The following CCDC169 variants were observed in gnomAD, a reference collection of about 807,000 sequenced individuals.
CCDC169 encodes coiled-coil domain containing 169.
A neutral mutation model predicts 36.0 loss-of-function variants in CCDC169; 30 were observed. The ratio of observed to expected loss-of-function variants is 0.83; its 90% confidence interval spans 0.62 to 1.13. CCDC169 has a LOEUF of 1.13. Ranked by LOEUF, CCDC169 falls within the 50% of genes most tolerant of loss-of-function variation. The pLI is 0.00. For missense variants in CCDC169, 245 were observed against 245.9 expected, an observed-to-expected ratio of 1.00 and a Z score of 0.03; for synonymous variants, 85 against 81.5, an observed-to-expected ratio of 1.04 and a Z score of -0.23.
At chr13:36,281,518 T>C (rs1432079749) in intron 4 of CCDC169, among the ~76,000 whole-genome samples, 3 of 152,272 alleles carry the variant, frequency 2.0e-5, no homozygotes, top group Admixed American at 1.3e-4. Context: ...CTCACTTATG[T>C]GAATAATTTT....
At chr13:36,260,678 A>G (rs537057510) in intron 4 of CCDC169, among the ~76,000 whole-genome samples, 2 of 152,314 alleles carry the variant, frequency 1.3e-5, no homozygotes, top group African/African-American at 4.8e-5. Flanking sequence ...ACTCTGTAAT[A>G]TCCTCACAAT....
At chr13:36,239,067 T>C (rs529007446) in intron 7 of CCDC169, among the ~76,000 whole-genome samples, 1 of 151,922 alleles carries the variant, frequency 6.6e-6, no homozygotes, top group Admixed American at 6.6e-5. Flanking sequence ...CCTGTCCATA[T>C]TCTCTACAGA....
exon 7 of CCDC169, chr13:36,222,081 G>GT (rs1215827521): frequency 6.6e-6 from 1 of 152,258 alleles, no homozygotes; most frequent in Admixed American, 6.5e-5. Context: ...GGCTTTGAGA[G>GT]TAACAGGGGA....
At chr13:36,280,619 T>C (rs1877390224) in intron 4 of CCDC169, 1 of 152,244 alleles carries the variant, frequency 6.6e-6, no homozygotes, top group African/African-American at 2.4e-5. Context: ...GTAATCCTTT[T>C]TCACTTTGTT....
intron 7 of CCDC169, among the ~76,000 whole-genome samples, chr13:36,248,238 C>G (rs9315401): frequency 0.011 from 1,621 of 152,012 alleles, 21 homozygotes; most frequent in African/African-American, 0.037. Flanking sequence ...CTCACTTCAT[C>G]GTGATACTTG....
chr13:36,266,813 A>G (rs528961620), intron 4 of CCDC169, among the ~76,000 whole-genome samples: 17 of 152,322 alleles, frequency 1.1e-4, no homozygotes, highest in African/African-American at 3.8e-4. Context: ...GAACTGCCAC[A>G]TTGGGCCAGG....
At chr13:36,237,183 C>T (rs760236596) in intron 7 of CCDC169, among the ~76,000 whole-genome samples, 39 of 151,774 alleles carry the variant, frequency 2.6e-4, no homozygotes, top group South Asian at 1.2e-3. Context: ...CCAACAAGTA[C>T]AAGAAAAGAT....
chr13:36,275,208 A>C (rs113523360), intron 4 of CCDC169, among the ~76,000 whole-genome samples: 2,157 of 151,798 alleles, frequency 0.014, 31 homozygotes, highest in African/African-American at 0.048. Flanking sequence ...CAAACACACA[A>C]AAAAAAAGTA....
intron 1 of CCDC169, among the ~76,000 whole-genome samples, chr13:36,296,130 C>T (rs891346443): frequency 2.0e-5 from 3 of 152,164 alleles, no homozygotes; most frequent in Non-Finnish European, 2.9e-5. Context: ...CTCGCTCTGT[C>T]GCCCAGGCTG....
intron 2 of CCDC169, among the ~76,000 whole-genome samples, chr13:36,287,606 G>A (rs1405103956): frequency 2.0e-5 from 3 of 152,130 alleles, no homozygotes; most frequent in Non-Finnish European, 4.4e-5. Context: ...TTATCAAACT[G>A]GCTTATAAGT....
intron 4 of CCDC169, among the ~76,000 whole-genome samples, chr13:36,279,212 G>A (rs889588333): frequency 2.6e-5 from 4 of 151,886 alleles, no homozygotes; most frequent in Non-Finnish European, 2.9e-5. Flanking sequence ...GGTGGTTGGG[G>A]TGGGGGTGGG....
intron 2 of CCDC169, 65 bp downstream of exon 2, chr13:36,295,713 A>G (rs1879398791): frequency 1.3e-5 from 11 of 841,848 alleles, no homozygotes; most frequent in Non-Finnish European, 1.9e-5. Flanking sequence ...AATGCACCAT[A>G]GATATCCTGG....
intron 7 of CCDC169, among the ~76,000 whole-genome samples, chr13:36,243,888 C>T (rs999707390): frequency 6.6e-6 from 1 of 152,144 alleles, no homozygotes; most frequent in African/African-American, 2.4e-5. Context: ...ATCCAACTCC[C>T]AGTAATATTC....
At chr13:36,227,861 A>G (rs1174493066), downstream of CCDC169, among the ~76,000 whole-genome samples, 1 of 152,010 alleles carries the variant, frequency 6.6e-6, no homozygotes, top group Non-Finnish European at 1.5e-5. Flanking sequence ...CTATTGATCT[A>G]TTTTCTGTCT....
chr13:36,263,203 AG>A (rs1182224969), intron 4 of CCDC169, among the ~76,000 whole-genome samples: 1 of 122,590 alleles, frequency 8.2e-6, no homozygotes, highest in Non-Finnish European at 2.0e-5. Flanking sequence ...GAGGAAAAAA[AG>A]GGTTAGAGGT....
chr13:36,297,573 A>G, intron 1 of CCDC169, 64 bp downstream of exon 1: 3 of 1,478,468 alleles, frequency 2.0e-6, no homozygotes, highest in Non-Finnish European at 2.8e-6. Context: ...CAGCCCTGAG[A>G]CTCTGCAGGT....
intron 4 of CCDC169, among the ~76,000 whole-genome samples, chr13:36,260,523 C>G (rs1874479997): frequency 6.6e-6 from 1 of 152,074 alleles, no homozygotes; most frequent in African/African-American, 2.4e-5. Flanking sequence ...GAGAAATATA[C>G]AATTAAAATG....
Position 36,231,024 on chromosome 13 carries a change from T to G in CCDC169, c.*169A>C. On this transcript the variant is annotated 3_prime_UTR_variant, in exon 8 of 8. Transcript: ENST00000239859. ...ATAGTTTAGGGTCACTGGAGAAAAT[T>G]ACTTTTATGCAGACAAAGGAACACA... 2 of 1,398,788 alleles carry G rather than the reference T, an allele frequency of 1.4e-6. No homozygotes were observed. The highest frequency in any genetic ancestry group is 1.6e-5 in the South Asian group (1 of 60,918). 86.6% of individuals were successfully genotyped at this position (1,398,788 alleles called of 1,614,324 possible).
At chr13:36,275,248 A>G (rs1274699255) in intron 4 of CCDC169, among the ~76,000 whole-genome samples, 2 of 152,214 alleles carry the variant, frequency 1.3e-5, no homozygotes, top group African/African-American at 4.8e-5. Context: ...GAACGCTTAC[A>G]AAAGAAAAAA....
Sources: gnomAD v4.1 joint callset for allele counts (sites outside exome capture counted in the v4.1 genomes callset) on GRCh38, gnomAD v4.1.1 for gene constraint, MANE v1.5 for transcripts, NCBI Gene and HGNC (gene_info 2026-07-23, HGNC 2026-07-21) for gene names.